The following CDH18 variants were observed in gnomAD, a reference collection of about 807,000 sequenced individuals.
CDH18 encodes cadherin-18.
In CDH18, 31 loss-of-function variants were observed where a neutral mutation model predicts 67.9. The ratio of observed to expected loss-of-function variants is 0.46; its 90% CI spans 0.34 to 0.62. The LOEUF (loss-of-function observed/expected upper bound fraction) is 0.62. Among genes scored for constraint, CDH18 ranks in the 20% least tolerant of loss-of-function variants. The probability of loss-of-function intolerance (pLI) is 0.01; values close to 1 mark genes in which losing one functional copy is unlikely to be tolerated. For synonymous variants in CDH18, 362 were observed against 347.2 expected (o/e 1.04, Z -0.48); for missense variants, 890 against 975.5 (o/e 0.91, Z 1.17).
chr5:19,827,299 A>T (rs1780510151), intron 3 of CDH18, among the ~76,000 whole-genome samples: 1 of 150,242 alleles, frequency 6.7e-6, no homozygotes, highest in Non-Finnish European at 1.5e-5. Flanking sequence ...TCAACACCAC[A>T]CTGACAATAT....
intron 2 of CDH18, among the ~76,000 whole-genome samples, chr5:20,242,634 G>GTATATATATATA (rs143436887): frequency 2.3e-5 from 2 of 85,830 alleles, no homozygotes; most frequent in South Asian, 3.5e-4. Flanking sequence ...ATATATATAT[G>GTATATATATATA]TATATATATA....
At chr5:20,313,759 G>GA (rs548053966) in intron 1 of CDH18, among the ~76,000 whole-genome samples, 11 of 151,716 alleles carry the variant, frequency 7.3e-5, no homozygotes, top group African/African-American at 2.4e-4. Context: ...GTATATATCT[G>GA]AAAAAAACTA....
intron 1 of CDH18, among the ~76,000 whole-genome samples, chr5:20,337,072 C>T (rs1739842600): frequency 1.3e-5 from 2 of 152,132 alleles, no homozygotes; most frequent in Admixed American, 6.5e-5. Flanking sequence ...TGAACTCAGC[C>T]CCATTTCTGG....
chr5:20,086,547 ACT>A (rs1352235580), intron 2 of CDH18, among the ~76,000 whole-genome samples: 2 of 152,054 alleles, frequency 1.3e-5, no homozygotes, highest in African/African-American at 2.4e-5. Context: ...GTACAGGTTG[ACT>A]CTCTTGTTTT....
rs371467271 is a variant in CDH18, at chr5:20,252,254, C to T, written c.-518+3190G>A. ...TAGTCCCAGCTACTCATGAGACTGA[C>T]GCAGGAGAATTGCTTGAACCCAGGA... is the stretch of plus-strand genomic sequence containing the variant. On this transcript the variant is annotated intron_variant, in intron 2 of 14. Coordinates refer to the CDH18 transcript ENST00000507958. 4.6e-5 allele frequency among the ~76,000 whole-genome samples: 7 copies of T among 151,870 alleles called. No individual in the cohort carries two copies. In the East Asian group the frequency reaches 9.8e-4, roughly 21 times the overall value.
intron 2 of CDH18, among the ~76,000 whole-genome samples, chr5:20,056,390 TTG>T (rs1741928554): frequency 6.7e-6 from 1 of 148,942 alleles, no homozygotes; most frequent in Non-Finnish European, 1.5e-5. Flanking sequence ...GCTGTTTTTT[TTG>T]TTTGTTTGTT....
At chr5:19,938,945 T>G (rs1794554426) in intron 2 of CDH18, among the ~76,000 whole-genome samples, 1 of 151,312 alleles carries the variant, frequency 6.6e-6, no homozygotes, top group Non-Finnish European at 1.5e-5. Flanking sequence ...CAATTTTTAA[T>G]GTACTTAAAT....
chr5:20,540,212 C>T (rs1756977176), intron 1 of CDH18, among the ~76,000 whole-genome samples: 3 of 152,164 alleles, frequency 2.0e-5, no homozygotes, highest in South Asian at 4.2e-4. Context: ...GACATTTAAG[C>T]CTCATTGTAC....
chr5:20,214,857 T>G (rs74872818), intron 2 of CDH18, among the ~76,000 whole-genome samples: 9 of 151,954 alleles, frequency 5.9e-5, no homozygotes, highest in African/African-American at 2.2e-4. Context: ...CTAATTAAAC[T>G]AAAGCGCTTC....
chr5:19,536,222 GTTATAC>G (rs901426066), intron 9 of CDH18, among the ~76,000 whole-genome samples: 44 of 152,256 alleles, frequency 2.9e-4, no homozygotes, highest in African/African-American at 1.1e-3. Context: ...TGCAATAAGT[GTTATAC>G]TTAATGCATG....
intron 11 of CDH18, 148 bp downstream of exon 11, chr5:19,502,844 G>A (rs769600781): frequency 4.4e-6 from 3 of 680,884 alleles, no homozygotes. Context: ...TTAAACACAA[G>A]CTATTCACAG....
At chr5:20,522,256 T>G (rs924194487) in intron 1 of CDH18, among the ~76,000 whole-genome samples, 1 of 152,222 alleles carries the variant, frequency 6.6e-6, no homozygotes, top group African/African-American at 2.4e-5. Context: ...ATTAAATTTC[T>G]GTCATTTAAG....
intron 1 of CDH18, among the ~76,000 whole-genome samples, chr5:20,256,966 C>CTATCTGTCTAATCTATCTA (rs1561917328): frequency 9.4e-6 from 1 of 106,438 alleles, no homozygotes; most frequent in African/African-American, 2.8e-5. Context: ...TCTATCTAAT[C>CTATCTGTCTAATCTATCTA]TATCTATATC....
At chr5:20,447,795 T>C (rs563177644) in intron 1 of CDH18, among the ~76,000 whole-genome samples, 2 of 152,344 alleles carry the variant, frequency 1.3e-5, no homozygotes, top group South Asian at 2.1e-4. Flanking sequence ...TCCTTCCGTT[T>C]ACTACTCACA....
intron 2 of CDH18, among the ~76,000 whole-genome samples, chr5:20,021,855 A>G (rs1738450401): frequency 6.6e-6 from 1 of 152,362 alleles, no homozygotes; most frequent in Admixed American, 6.5e-5. Flanking sequence ...GGAAAATAAT[A>G]TCATAGGAAT....
intron 2 of CDH18, among the ~76,000 whole-genome samples, chr5:19,906,206 T>C (rs952544720): frequency 6.6e-6 from 1 of 151,978 alleles, no homozygotes; most frequent in African/African-American, 2.4e-5. Flanking sequence ...AGGGATTTCA[T>C]AGGACTAGGA....
chr5:19,590,511 C>T (rs145108185), intron 7 of CDH18, among the ~76,000 whole-genome samples: 6,408 of 85,134 alleles, frequency 0.075, 167 homozygotes, highest in Middle Eastern at 0.12. Flanking sequence ...GATAGATAGA[C>T]AGACAGACAG....
At chr5:19,765,496 C>A in intron 3 of CDH18, among the ~76,000 whole-genome samples, 1 of 151,720 alleles carries the variant, frequency 6.6e-6, no homozygotes, top group East Asian at 1.9e-4. Context: ...GTGAATTAAA[C>A]CATATTATTT....
chr5:20,350,733 G>A (rs1741098726), intron 1 of CDH18, among the ~76,000 whole-genome samples: 1 of 152,128 alleles, frequency 6.6e-6, no homozygotes, highest in Admixed American at 6.6e-5. Context: ...TTTCAGAACT[G>A]TGACAGTGAA....
Sources: allele counts gnomAD v4.1 joint callset (sites outside exome capture counted in the v4.1 genomes callset), GRCh38; gene constraint gnomAD v4.1.1; transcripts MANE v1.5; gene names NCBI Gene and HGNC (gene_info 2026-07-23, HGNC 2026-07-21).